MUCL1: variants seen among roughly 807,000 people sequenced by gnomAD.
MUCL1 encodes mucin-like protein 1.
MUCL1 carries 11 observed loss-of-function variants against 9.2 expected under a neutral mutation model. The observed-to-expected ratio is 1.19, with a 90% CI of 0.75 to 1.97. The LOEUF is 1.97. Ranked by LOEUF, MUCL1 falls within the 30% of genes most tolerant of loss-of-function variation. The pLI, the probability that MUCL1 is intolerant of heterozygous loss-of-function variation, is 0.00. For missense variants in MUCL1, 144 were observed against 110.9 expected, an observed-to-expected ratio of 1.30 and a Z score of -1.34; for synonymous variants, 48 against 40.5, an observed-to-expected ratio of 1.19 and a Z score of -0.71.
At chr12:54,857,231 A>AGTGTGTGTGTGTGT (rs34504933) in intron 3 of MUCL1, among the ~76,000 whole-genome samples, 419 of 142,530 alleles carry the variant, frequency 2.9e-3, no homozygotes, top group East Asian at 7.7e-3. Flanking sequence ...TAAATCAGGT[A>AGTGTGTGTGTGTGT]GTGTGTGTGT....
chr12:54,834,750 A>T (rs534930587), upstream of MUCL1, among the ~76,000 whole-genome samples: 272 of 152,018 alleles, frequency 1.8e-3, 1 homozygote, highest in African/African-American at 6.3e-3. Flanking sequence ...AAATATATAT[A>T]TTTTTTATTT....
In MUCL1 at chr12:54,858,153, C is replaced by A. The variant is rs150470196; in HGVS notation, c.224-40C>A. The A allele has an allele frequency of 2.2e-3, 3,488 of 1,611,396 alleles. 8 individuals are homozygous for A. Among genetic ancestry groups the A allele is most frequent in the Admixed American group, 2.6e-3 (158 of 59,882 alleles). On this transcript the variant is annotated intron_variant, in intron 3 of 3. Coordinates refer to ENST00000308796, the MANE Select transcript of MUCL1 (RefSeq NM_058173.3). ...GAAGAATAAATCCACATTCTTCATC[C>A]TTTGTCGAAGCCCCTTGACAATATT... is the stretch of plus-strand genomic sequence containing the variant.
At chr12:54,843,479 A>G (rs1454643) in intron 1 of MUCL1, among the ~76,000 whole-genome samples, 79,541 of 151,992 alleles carry the variant, frequency 0.52, 21,285 homozygotes, top group East Asian at 0.86. Context: ...TTTATGTTAG[A>G]TGGTATGGAA....
intron 2 of MUCL1, among the ~76,000 whole-genome samples, chr12:54,855,915 C>G (rs1237698331): frequency 1.3e-5 from 2 of 152,170 alleles, no homozygotes; most frequent in Admixed American, 6.5e-5. Context: ...TATTTTCTCT[C>G]TTAAATAAAG....
At chr12:54,857,913 T>C (rs189592809) in intron 3 of MUCL1, among the ~76,000 whole-genome samples, 13 of 152,290 alleles carry the variant, frequency 8.5e-5, no homozygotes, top group Admixed American at 7.2e-4. Flanking sequence ...GAAGGCTGGA[T>C]CTCTGTGCCA....
chr12:54,857,152 A>C (rs971646771), intron 3 of MUCL1, among the ~76,000 whole-genome samples: 5 of 152,014 alleles, frequency 3.3e-5, no homozygotes, highest in Non-Finnish European at 5.9e-5. Context: ...CCTTAGTAGA[A>C]ACATCATTGG....
At chr12:54,832,900 A>G (rs917225760) in intron 1 of MUCL1, among the ~76,000 whole-genome samples, 1 of 152,116 alleles carries the variant, frequency 6.6e-6, no homozygotes, top group East Asian at 1.9e-4. Flanking sequence ...CCTGGTATAA[A>G]GTGATCAGCT....
upstream of MUCL1, among the ~76,000 whole-genome samples, chr12:54,836,381 A>G (rs776688877): frequency 1.1e-4 from 16 of 152,146 alleles, no homozygotes; most frequent in Non-Finnish European, 1.9e-4. Flanking sequence ...TTGTGTACAT[A>G]GAGGTGTTAT....
intron 1 of MUCL1, among the ~76,000 whole-genome samples, chr12:54,847,915 G>A (rs997203035): frequency 6.6e-6 from 1 of 151,974 alleles, no homozygotes; most frequent in Non-Finnish European, 1.5e-5. Context: ...GCACAGCCCT[G>A]TGTATGCCCC....
chr12:54,842,976 C>T (rs757759568), intron 1 of MUCL1, among the ~76,000 whole-genome samples: 2 of 152,072 alleles, frequency 1.3e-5, no homozygotes, highest in Non-Finnish European at 2.9e-5. Flanking sequence ...TAAATATTCC[C>T]GCTGTGTTAC....
intron 1 of MUCL1, among the ~76,000 whole-genome samples, chr12:54,848,681 C>A (rs561174168): frequency 6.6e-6 from 1 of 152,266 alleles, no homozygotes; most frequent in African/African-American, 2.4e-5. Flanking sequence ...TAAGCCCAAA[C>A]TTACTGCATT....
At chr12:54,852,541 A>C (rs1453973447), upstream of MUCL1, among the ~76,000 whole-genome samples, 1 of 152,252 alleles carries the variant, frequency 6.6e-6, no homozygotes, top group East Asian at 1.9e-4. Context: ...CAAACTTTAG[A>C]AATTCTTTGT....
At chr12:54,830,740 C>A (rs925650087) in exon 1 of MUCL1, 2 of 152,192 alleles carry the variant, frequency 1.3e-5, no homozygotes, top group African/African-American at 4.8e-5. Context: ...GTCACTTGAA[C>A]TATAGACCCC....
chr12:54,833,373 T>C (rs1158456527), intron 1 of MUCL1, among the ~76,000 whole-genome samples: 1 of 152,166 alleles, frequency 6.6e-6, no homozygotes, highest in Non-Finnish European at 1.5e-5. Flanking sequence ...TTTGTATAGA[T>C]GAGATCCACA....
At position 54,858,314 on chromosome 12, in the gene MUCL1, T is replaced by A; in HGVS notation, c.*72T>A. 6.5e-7 allele frequency: 1 copy of A among 1,547,724 alleles called. No homozygotes were observed. Among genetic ancestry groups the A allele is most frequent in the Non-Finnish European group, 8.9e-7 (1 of 1,119,942 alleles). On this transcript the variant is annotated 3_prime_UTR_variant, in exon 4 of 4. Transcript: ENST00000308796. ...CTTCCTGTGATTTCATCCAACTACT[T>A]ACCTTGCCTACGATATCCCCTTTAT...
chr12:54,839,239 C>T, upstream of MUCL1: 2 of 623,190 alleles, frequency 3.2e-6, no homozygotes, highest in Admixed American at 2.4e-5. Flanking sequence ...GCTTACTCAG[C>T]TACTGGTTGT....
At chr12:54,849,846 TATA>T (rs953590667), upstream of MUCL1, among the ~76,000 whole-genome samples, 5 of 152,176 alleles carry the variant, frequency 3.3e-5, no homozygotes, top group East Asian at 7.7e-4. Context: ...TTTGAAGCAT[TATA>T]ATATTATCAA....
chr12:54,849,704 C>T (rs1436172256), upstream of MUCL1, among the ~76,000 whole-genome samples: 1 of 151,400 alleles, frequency 6.6e-6, no homozygotes, highest in Non-Finnish European at 1.5e-5. Flanking sequence ...TATAACATGC[C>T]CTATATATAA....
At chr12:54,832,642 T>C (rs1959186932) in intron 1 of MUCL1, among the ~76,000 whole-genome samples, 1 of 152,156 alleles carries the variant, frequency 6.6e-6, no homozygotes, top group Admixed American at 6.5e-5. Flanking sequence ...AACAATCGGA[T>C]GCTTTATGAG....
Sources: allele counts gnomAD v4.1 joint callset (sites outside exome capture counted in the v4.1 genomes callset), GRCh38; gene constraint gnomAD v4.1.1; transcripts MANE v1.5; gene names NCBI Gene and HGNC (gene_info 2026-07-23, HGNC 2026-07-21).